NAALADL2: variants seen among roughly 807,000 people sequenced by gnomAD.
The protein encoded by NAALADL2 is inactive N-acetylated-alpha-linked acidic dipeptidase-like protein 2.
NAALADL2 carries 76 observed loss-of-function variants against 87.2 expected under a neutral mutation model. The ratio of observed to expected loss-of-function variants is 0.87; its 90% CI spans 0.72 to 1.05. The LOEUF (loss-of-function observed/expected upper bound fraction) is 1.05. Among genes scored for constraint, NAALADL2 ranks in the 50% least tolerant of loss-of-function variants. The probability of loss-of-function intolerance (pLI) is 0.00; values close to 1 mark genes in which losing one functional copy is unlikely to be tolerated. For missense variants in NAALADL2, 1,089 were observed against 945.8 expected (o/e 1.15, Z -1.99); for synonymous variants, 354 against 331.0 (o/e 1.07, Z -0.75).
intron 3 of NAALADL2, among the ~76,000 whole-genome samples, chr3:174,844,031 A>G (rs139614454): frequency 4.9e-4 from 74 of 152,208 alleles, no homozygotes; most frequent in African/African-American, 1.4e-3. Context: ...ATGAAATTCA[A>G]TTTGCCTATT....
intron 1 of NAALADL2, among the ~76,000 whole-genome samples, chr3:174,889,049 AT>A (rs1324356952): frequency 6.6e-6 from 1 of 152,282 alleles, no homozygotes; most frequent in East Asian, 1.9e-4. Context: ...CTACATAACT[AT>A]TTAAACACGT....
chr3:175,153,014 G>C (rs1330652221), intron 2 of NAALADL2, among the ~76,000 whole-genome samples: 4 of 152,066 alleles, frequency 2.6e-5, no homozygotes, highest in Non-Finnish European at 5.9e-5. Context: ...ACATTCATAA[G>C]TAGTAAATAA....
intron 5 of NAALADL2, among the ~76,000 whole-genome samples, chr3:175,429,309 C>T (rs1188802111): frequency 8.6e-5 from 13 of 151,612 alleles, no homozygotes; most frequent in Non-Finnish European, 5.9e-5. Context: ...TAACTGATTA[C>T]CTTGCTCTTA....
chr3:175,294,679 T>C (rs13081727), intron 4 of NAALADL2, among the ~76,000 whole-genome samples: 68,313 of 152,116 alleles, frequency 0.45, 16,305 homozygotes, highest in Non-Finnish European at 0.52. Flanking sequence ...TAAGTTTCAC[T>C]TTTTGGAATT....
chr3:174,590,530 T>G (rs1272665935), intron 2 of NAALADL2, among the ~76,000 whole-genome samples: 1 of 152,148 alleles, frequency 6.6e-6, no homozygotes, highest in Non-Finnish European at 1.5e-5. Flanking sequence ...GTCCCTCTTA[T>G]TATATTAAAT....
intron 2 of NAALADL2, among the ~76,000 whole-genome samples, chr3:175,183,812 C>T (rs1024431227): frequency 6.6e-6 from 1 of 152,060 alleles, no homozygotes; most frequent in African/African-American, 2.4e-5. Flanking sequence ...TAAGAAGCTT[C>T]CTATTTTGAT....
chr3:174,722,191 C>G (rs1275641586), intron 2 of NAALADL2, among the ~76,000 whole-genome samples: 1 of 152,130 alleles, frequency 6.6e-6, no homozygotes, highest in Non-Finnish European at 1.5e-5. Context: ...CCTCCATGTT[C>G]CTGGAAATGC....
chr3:174,707,157 G>A (rs1429487565), intron 2 of NAALADL2, among the ~76,000 whole-genome samples: 1 of 152,188 alleles, frequency 6.6e-6, no homozygotes, highest in African/African-American at 2.4e-5. Context: ...AGGTGCTGGA[G>A]AGGATGTGGA....
At chr3:175,650,152 A>T (rs976212872) in intron 11 of NAALADL2, among the ~76,000 whole-genome samples, 2 of 152,120 alleles carry the variant, frequency 1.3e-5, no homozygotes, top group African/African-American at 4.8e-5. Context: ...AGAATAAAAT[A>T]CTGACACATG....
chr3:175,166,042 T>G (rs1000713346), intron 2 of NAALADL2, among the ~76,000 whole-genome samples: 9 of 117,578 alleles, frequency 7.7e-5, no homozygotes, highest in Non-Finnish European at 1.6e-4. Flanking sequence ...ACTCCATATT[T>G]TTTTTTTTTT....
At chr3:175,059,020 T>A (rs2109066645) in intron 1 of NAALADL2, among the ~76,000 whole-genome samples, 1 of 152,340 alleles carries the variant, frequency 6.6e-6, no homozygotes, top group African/African-American at 2.4e-5. Context: ...CATTGCTTTA[T>A]AATGGGTTTC....
intron 3 of NAALADL2, among the ~76,000 whole-genome samples, chr3:174,805,399 TG>T (rs1156904003): frequency 6.6e-6 from 1 of 152,200 alleles, no homozygotes; most frequent in Non-Finnish European, 1.5e-5. Context: ...TTCTTTTTTT[TG>T]TTTAATGTAG....
intron 2 of NAALADL2, among the ~76,000 whole-genome samples, chr3:174,582,863 C>T (rs1190700390): frequency 1.3e-5 from 2 of 151,960 alleles, no homozygotes; most frequent in East Asian, 1.9e-4. Flanking sequence ...GAATTATAGG[C>T]GTGAGCCACT....
At chr3:175,575,952 T>G in intron 9 of NAALADL2, 89 bp from the exon 10 acceptor site, 1 of 1,066,534 alleles carries the variant, frequency 9.4e-7, no homozygotes, top group Non-Finnish European at 1.3e-6. Context: ...TTGATGCTGC[T>G]GATCTGTGGA....
At chr3:175,760,159 T>A (rs1409507988) in intron 13 of NAALADL2, among the ~76,000 whole-genome samples, 1 of 152,054 alleles carries the variant, frequency 6.6e-6, no homozygotes, top group Admixed American at 6.5e-5. Flanking sequence ...GCTCTAAGAG[T>A]CTCGTTGCAG....
intron 6 of NAALADL2, among the ~76,000 whole-genome samples, chr3:175,456,094 T>C (rs1191016503): frequency 6.6e-6 from 1 of 152,070 alleles, no homozygotes; most frequent in East Asian, 1.9e-4. Context: ...TTGGTATAAT[T>C]ATTCACAATA....
chr3:175,004,404 A>G (rs1279477742), intron 1 of NAALADL2, among the ~76,000 whole-genome samples: 25 of 148,058 alleles, frequency 1.7e-4, no homozygotes, highest in African/African-American at 6.1e-4. Context: ...AAAAAAAAAA[A>G]AGCCAAAAAC....
chr3:174,607,166 G>C (rs1416837079), intron 2 of NAALADL2, among the ~76,000 whole-genome samples: 2 of 151,994 alleles, frequency 1.3e-5, no homozygotes, highest in Admixed American at 1.3e-4. Context: ...CCTGAAGTAA[G>C]TACTAAACAT....
Position 175,494,707 on chromosome 3 carries a change from G to A in NAALADL2, c.1653+22949G>A, listed in dbSNP as rs563199185. ...GATTTCCAATCGGTACCTAGGACACGTCTTTAAATACTATGGACCTATCGT... is the reference window on the plus strand; with the variant it reads ...GATTTCCAATCGGTACCTAGGACACATCTTTAAATACTATGGACCTATCGT... On this transcript the variant is annotated intron_variant, in intron 9 of 13. Transcript: ENST00000454872. Among the ~76,000 whole-genome samples the A allele has an allele frequency of 2.1e-3, 327 of 152,160 alleles. 1 individual carries two copies. Among genetic ancestry groups the A allele is most frequent in the Non-Finnish European group, 3.0e-3 (201 of 67,988 alleles).
Sources: allele counts gnomAD v4.1 joint callset (sites outside exome capture counted in the v4.1 genomes callset), GRCh38; gene constraint gnomAD v4.1.1; transcripts MANE v1.5; gene names NCBI Gene and HGNC (gene_info 2026-07-23, HGNC 2026-07-21).